Variants in ZNF385B observed in about 807,000 individuals in gnomAD.
ZNF385B encodes the protein zinc finger protein 385B.
In ZNF385B, 23 loss-of-function variants were observed where a neutral mutation model predicts 39.2. The observed-to-expected ratio is 0.59, with a 90% CI of 0.42 to 0.83. The LOEUF (loss-of-function observed/expected upper bound fraction) is 0.83. Among genes scored for constraint, ZNF385B ranks in the 40% least tolerant of loss-of-function variants. The pLI is 0.00. For missense variants in ZNF385B, 552 were observed against 598.9 expected, an observed-to-expected ratio of 0.92 and a Z score of 0.82; for synonymous variants, 205 against 222.6, an observed-to-expected ratio of 0.92 and a Z score of 0.70.
At chr2:179,564,418 C>G (rs1000810038) in intron 3 of ZNF385B, among the ~76,000 whole-genome samples, 2 of 152,130 alleles carry the variant, frequency 1.3e-5, no homozygotes, top group Non-Finnish European at 2.9e-5. Flanking sequence ...CTAGCTAAGT[C>G]ATCACCTTGA....
intron 5 of ZNF385B, among the ~76,000 whole-genome samples, chr2:179,488,730 G>A (rs2054885104): frequency 6.6e-6 from 1 of 152,112 alleles, no homozygotes. Context: ...AGATTTCAAT[G>A]TGTTAAGCAG....
At chr2:179,644,222 G>A (rs1382319927) in intron 3 of ZNF385B, among the ~76,000 whole-genome samples, 1 of 152,024 alleles carries the variant, frequency 6.6e-6, no homozygotes, top group Non-Finnish European at 1.5e-5. Flanking sequence ...TTTGAAGCTC[G>A]CTTTGTTAGT....
At chr2:179,778,814 T>C (rs1180443334) in intron 1 of ZNF385B, among the ~76,000 whole-genome samples, 1 of 152,152 alleles carries the variant, frequency 6.6e-6, no homozygotes, top group Non-Finnish European at 1.5e-5. Flanking sequence ...TCTTCCATAT[T>C]CCTACCAAAG....
intron 3 of ZNF385B, among the ~76,000 whole-genome samples, chr2:179,704,079 A>G (rs1699408723): frequency 6.6e-6 from 1 of 152,234 alleles, no homozygotes; most frequent in South Asian, 2.1e-4. Flanking sequence ...TATAAAAGTC[A>G]TTAGTATAAG....
chr2:179,619,528 C>A (rs1393544248), intron 3 of ZNF385B, among the ~76,000 whole-genome samples: 2 of 152,184 alleles, frequency 1.3e-5, no homozygotes, highest in Non-Finnish European at 2.9e-5. Context: ...TCCTGCAAAA[C>A]CTCTAGGGTT....
intron 3 of ZNF385B, among the ~76,000 whole-genome samples, chr2:179,752,136 C>T (rs1318023869): frequency 6.6e-6 from 1 of 152,080 alleles, no homozygotes; most frequent in Non-Finnish European, 1.5e-5. Context: ...TTCCTGTGTC[C>T]AAGTGTTCTC....
At chr2:179,734,429 A>G (rs1223071775) in intron 3 of ZNF385B, among the ~76,000 whole-genome samples, 1 of 152,246 alleles carries the variant, frequency 6.6e-6, no homozygotes, top group Non-Finnish European at 1.5e-5. Flanking sequence ...CCATGCCCAC[A>G]TACTAGGTAG....
intron 6 of ZNF385B, among the ~76,000 whole-genome samples, chr2:179,464,181 G>A (rs2051701053): frequency 6.6e-6 from 1 of 152,026 alleles, no homozygotes; most frequent in Non-Finnish European, 1.5e-5. Flanking sequence ...ATCCTTTGCT[G>A]ACTTTTTGAT....
intron 3 of ZNF385B, among the ~76,000 whole-genome samples, chr2:179,757,495 A>T (rs974694324): frequency 6.6e-6 from 1 of 152,200 alleles, no homozygotes; most frequent in Non-Finnish European, 1.5e-5. Context: ...AAGCTGTCAG[A>T]CAGGGACATT....
chr2:179,724,733 C>G (rs975685626), intron 3 of ZNF385B, among the ~76,000 whole-genome samples: 1 of 152,068 alleles, frequency 6.6e-6, no homozygotes, highest in Non-Finnish European at 1.5e-5. Context: ...ATAGAAGCTC[C>G]TTTTTAGAGG....
At chr2:179,513,984 T>A (rs542843005) in intron 5 of ZNF385B, 1 of 152,316 alleles carries the variant, frequency 6.6e-6, no homozygotes, top group East Asian at 1.9e-4. Context: ...AAGGGATGAG[T>A]TAAACTATGA....
chr2:179,590,306 G>T (rs1019242483), intron 3 of ZNF385B, among the ~76,000 whole-genome samples: 8 of 152,158 alleles, frequency 5.3e-5, no homozygotes, highest in African/African-American at 1.9e-4. Flanking sequence ...TAAGAGACGG[G>T]TTATGTTAGA....
At chr2:179,586,371 T>C (rs1272749273) in intron 3 of ZNF385B, among the ~76,000 whole-genome samples, 2 of 152,240 alleles carry the variant, frequency 1.3e-5, no homozygotes, top group Non-Finnish European at 2.9e-5. Context: ...GGCTGCTTTT[T>C]ACATTTTTAT....
chr2:179,460,509 A>G (rs1276910025), intron 6 of ZNF385B, among the ~76,000 whole-genome samples: 1 of 152,176 alleles, frequency 6.6e-6, no homozygotes, highest in East Asian at 1.9e-4. Context: ...TTAAACGATA[A>G]CCAGCCATTG....
chr2:179,773,051 G>T (rs1704104256), intron 1 of ZNF385B, among the ~76,000 whole-genome samples: 1 of 152,218 alleles, frequency 6.6e-6, no homozygotes, highest in African/African-American at 2.4e-5. Flanking sequence ...TGGACAGTCA[G>T]GGAATTTCCA....
chr2:179,642,397 A>T (rs998615726), intron 3 of ZNF385B, among the ~76,000 whole-genome samples: 3 of 152,138 alleles, frequency 2.0e-5, no homozygotes, highest in Non-Finnish European at 4.4e-5. Context: ...CATACACCTG[A>T]AGACATGAAT....
chr2:179,610,825 G>C (rs1356741218), intron 3 of ZNF385B, among the ~76,000 whole-genome samples: 1 of 151,956 alleles, frequency 6.6e-6, no homozygotes, highest in Non-Finnish European at 1.5e-5. Context: ...TTATTTTCTT[G>C]ATTTCATTTT....
At chr2:179,493,689 A>ATATGCATATACG (rs765915327) in intron 5 of ZNF385B, among the ~76,000 whole-genome samples, 18,277 of 92,894 alleles carry the variant, frequency 0.2, 2,782 homozygotes, top group East Asian at 0.29. Flanking sequence ...ACATATACAC[A>ATATGCATATACG]TATATACATA....
chr2:179,522,145 G>T (rs1255084664), intron 4 of ZNF385B, among the ~76,000 whole-genome samples: 1 of 152,110 alleles, frequency 6.6e-6, no homozygotes, highest in African/African-American at 2.4e-5. Context: ...TTGAGTATTT[G>T]CCCTCTGATG....
Sources: allele counts gnomAD v4.1 joint callset (sites outside exome capture counted in the v4.1 genomes callset), GRCh38; gene constraint gnomAD v4.1.1; transcripts MANE v1.5; gene names NCBI Gene and HGNC (gene_info 2026-07-23, HGNC 2026-07-21).